The following MAX variants were observed in gnomAD, a reference collection of about 807,000 sequenced individuals.
MAX encodes the protein protein max.
In MAX, 3 loss-of-function variants were observed where a neutral mutation model predicts 22.3. The observed-to-expected ratio is 0.13, with a 90% confidence interval of 0.06 to 0.35. The LOEUF is 0.35. MAX is among the 10% of genes least tolerant of loss of function. The pLI is 1.00. For synonymous variants in MAX, 72 were observed against 77.7 expected, an observed-to-expected ratio of 0.93 and a Z score of 0.39; for missense variants, 119 against 209.4, an observed-to-expected ratio of 0.57 and a Z score of 2.66.
chr14:65,036,927 C>T (rs2062205671), intron 3 of MAX, among the ~76,000 whole-genome samples: 1 of 152,074 alleles, frequency 6.6e-6, no homozygotes, highest in Admixed American at 6.6e-5. Flanking sequence ...CATGAGCCAC[C>T]TCGCCTGGCC....
In MAX at chr14:65,012,235, C is replaced by T. The variant is rs997973904; in HGVS notation, c.172-5951G>A. On this transcript the variant is annotated intron_variant, in intron 3 of 3. Transcript: ENST00000341653. This position sits in a 1 kb window ranked among gnomAD's most constrained non-coding sequence, Gnocchi z 5.0. ...GACGTCCTGAAGCTGAGTGTTTACC[C>T]GTGTGTGTGTACGTGCACATACGTG... is the stretch of plus-strand genomic sequence containing the variant. 14 of 1,553,800 alleles carry T rather than the reference C, an allele frequency of 9.0e-6. No individual in the cohort carries two copies. Among genetic ancestry groups the T allele is most frequent in the African/African-American group, 2.7e-5 (2 of 73,790 alleles).
intron 3 of MAX, among the ~76,000 whole-genome samples, chr14:65,019,882 A>AT (rs1395475894): frequency 6.6e-6 from 1 of 152,134 alleles, no homozygotes; most frequent in African/African-American, 2.4e-5. Flanking sequence ...TAAATAGAAG[A>AT]TTTTTTTTAG....
rs977608948 is a variant in MAX, at chr14:65,023,589, C to T, written c.172-17305G>A. Among the ~76,000 whole-genome samples, 5 of 152,182 alleles carry T rather than the reference C, an allele frequency of 3.3e-5. No homozygotes were observed. The highest frequency in any genetic ancestry group is 5.9e-5 in the Non-Finnish European group (4 of 68,036). On this transcript the variant is annotated intron_variant, in intron 3 of 3. Transcript: ENST00000341653. The surrounding 1 kb of genome is among the most constrained non-coding windows in gnomAD (Gnocchi z 4.1). ...CTATAGGTGTCTATAAACATCTATA[C>T]GTGTTCTATATTGGCCACTAGCCAC...
At chr14:65,016,949 GTT>G (rs1295490498) in intron 3 of MAX, among the ~76,000 whole-genome samples, 2 of 125,212 alleles carry the variant, frequency 1.6e-5, no homozygotes, top group East Asian at 5.3e-4. Flanking sequence ...TTGAGACAGA[GTT>G]TCACTCTGTC....
rs1387308259 is a variant in MAX, at chr14:65,030,679, G to T, written c.172-24395C>A. Among the ~76,000 whole-genome samples the T allele has an allele frequency of 6.6e-6, 1 of 151,946 alleles. No individual in the cohort carries two copies. The highest frequency in any genetic ancestry group is 1.5e-5 in the Non-Finnish European group (1 of 67,992). ...AGTTTGAGCCCAGGAGTTTGAGGTTGCAGTGAGCCATGATAGCGCCACTGC... is the reference window on the plus strand; with the variant it reads ...AGTTTGAGCCCAGGAGTTTGAGGTTTCAGTGAGCCATGATAGCGCCACTGC... On this transcript the variant is annotated intron_variant, in intron 3 of 3. Transcript: ENST00000341653. This position sits in a 1 kb window ranked among gnomAD's most constrained non-coding sequence, Gnocchi z 4.5.
At position 65,013,652 on chromosome 14, in the gene MAX, A is replaced by G. The variant is rs1006982269; in HGVS notation, c.172-7368T>C. Among the ~76,000 whole-genome samples, 14 of 152,128 alleles carry G rather than the reference A, an allele frequency of 9.2e-5. No individual in the cohort carries two copies. The East Asian group carries it at 2.5e-3, about 27-fold the overall frequency. ...GCAACCTCCGCCTCAGGTTCAAGCG[A>G]TTCTCTTGCCTCAGCCTTCTGAGTG... is the stretch of plus-strand genomic sequence containing the variant. On this transcript the variant is annotated intron_variant, in intron 3 of 3. Coordinates refer to the MAX transcript ENST00000341653.
intron 3 of MAX, among the ~76,000 whole-genome samples, chr14:65,038,574 C>T (rs749643457): frequency 7.9e-5 from 12 of 151,204 alleles, no homozygotes; most frequent in East Asian, 1.9e-4. Context: ...AAAAATTAGC[C>T]GGGCGTGGTG....
intron 3 of MAX, among the ~76,000 whole-genome samples, chr14:65,050,569 C>A (rs1464621992): frequency 1.3e-5 from 2 of 152,060 alleles, no homozygotes; most frequent in Admixed American, 6.6e-5. Flanking sequence ...CCAGCCTGGG[C>A]GACAGAGCAA....
chr14:65,037,156 T>G (rs569087944), intron 3 of MAX, among the ~76,000 whole-genome samples: 46 of 151,246 alleles, frequency 3.0e-4, no homozygotes, highest in African/African-American at 1.0e-3. Context: ...CGGGCTGGAG[T>G]GCAATGGCGT....
chr14:65,025,947 C>G (rs1476921399), intron 3 of MAX, among the ~76,000 whole-genome samples: 1 of 152,214 alleles, frequency 6.6e-6, no homozygotes, highest in Non-Finnish European at 1.5e-5. Flanking sequence ...TTTCAGAACT[C>G]ACAGAGCAAG....
Position 65,076,071 on chromosome 14 carries a change from CGGGCCAGG to C in MAX, c.*397_*404del. 3 of 1,220,792 alleles carry C rather than the reference CGGGCCAGG, an allele frequency of 2.5e-6. 1 individual carries two copies. In the South Asian group the frequency reaches 7.1e-5, roughly 29 times the overall value. 75.6% of individuals were successfully genotyped at this position (1,220,792 alleles called of 1,614,324 possible). A position where few individuals can be genotyped will look rare whatever the true frequency, so the allele number is the denominator to read the frequency against. Reference sequence around the variant, plus strand: ...TCACAAAGTCTATCAGAGGTGAGGGCGGGCCAGGAGGCCACCTGGGCAGGGCAGGCGTC... The same window carrying C: ...TCACAAAGTCTATCAGAGGTGAGGGCAGGCCACCTGGGCAGGGCAGGCGTC... On this transcript the variant is annotated 3_prime_UTR_variant, in exon 5 of 5. Transcript: ENST00000358664. The surrounding 1 kb of genome is among the most constrained non-coding windows in gnomAD (Gnocchi z 6.6).
At chr14:65,052,918 C>G (rs2062647200) in intron 3 of MAX, among the ~76,000 whole-genome samples, 1 of 152,120 alleles carries the variant, frequency 6.6e-6, no homozygotes, top group Admixed American at 6.5e-5. Flanking sequence ...CGAGGTCAGT[C>G]TGGGAAGGTA....
chr14:65,093,971 A>G lies in MAX; in HGVS notation c.64-156T>C. 1.4e-6 allele frequency: 1 copy of G among 692,072 alleles called. No individual in the cohort carries two copies. The highest frequency in any genetic ancestry group is 2.7e-6 in the Non-Finnish European group (1 of 375,446). The allele number at this position is 692,072 out of a possible 1,614,324, so 42.9% of individuals were successfully genotyped here. On this transcript the variant is annotated intron_variant, in intron 2 of 4. Transcript: ENST00000358664. The surrounding 1 kb of genome is among the most constrained non-coding windows in gnomAD (Gnocchi z 4.4). ...AGGTGGGCAGTTAGGAGTCTCCAGA[A>G]TTAGGCTCTGCTAAAGGGGGAGAAA...
rs150505277 is a variant in MAX, at chr14:65,013,737, A to G, written c.172-7453T>C. 9.2e-3 allele frequency among the ~76,000 whole-genome samples: 1,400 copies of G among 152,226 alleles called. 21 individuals carry two copies. The highest frequency in any genetic ancestry group is 0.031 in the African/African-American group (1,297 of 41,534). On this transcript the variant is annotated intron_variant, in intron 3 of 3. Coordinates refer to the MAX transcript ENST00000341653. ...TAATTTTTGTATTTTTAGTAGAGAC[A>G]GGGTTTCACCATATTGGCCAGGCTG...
At chr14:65,056,658 C>T (rs2062743956) in intron 3 of MAX, among the ~76,000 whole-genome samples, 1 of 152,174 alleles carries the variant, frequency 6.6e-6, no homozygotes, top group African/African-American at 2.4e-5. Flanking sequence ...ATTCTGTGCT[C>T]ATTTTCTTAC....
chr14:65,045,671 CT>C (rs1391523389), intron 3 of MAX, among the ~76,000 whole-genome samples: 2 of 152,150 alleles, frequency 1.3e-5, no homozygotes, highest in Admixed American at 1.3e-4. Flanking sequence ...CCACTTCGGC[CT>C]CCCAAAGTGC....
intron 3 of MAX, among the ~76,000 whole-genome samples, chr14:65,026,873 CAAAAA>C (rs1458666302): frequency 6.6e-6 from 1 of 150,860 alleles, no homozygotes; most frequent in Non-Finnish European, 1.5e-5. Context: ...AAAAAAAAAA[CAAAAA>C]AACAAAACTT....
rs113436813 is a variant in MAX, at chr14:65,046,646, G to A, written c.172-40362C>T. 1.7e-3 allele frequency among the ~76,000 whole-genome samples: 256 copies of A among 152,286 alleles called. 1 individual carries two copies. The highest frequency in any genetic ancestry group is 5.8e-3 in the African/African-American group (241 of 41,562). On this transcript the variant is annotated intron_variant, in intron 3 of 3. Coordinates refer to the MAX transcript ENST00000341653. The stretch of plus-strand genomic sequence containing the variant: ...CAGGGCATCTCTTGAACTTGGAACA[G>A]ACAGGAGTCTGTAAAGAAGGGAAGT...
intron 3 of MAX, among the ~76,000 whole-genome samples, chr14:65,013,562 A>G (rs577203371): frequency 4.3e-4 from 66 of 152,234 alleles, no homozygotes; most frequent in African/African-American, 1.4e-3. Flanking sequence ...TTCTCTCATA[A>G]TTTATGAGAT....
Sources: gnomAD v4.1 joint callset for allele counts (sites outside exome capture counted in the v4.1 genomes callset) on GRCh38, gnomAD v4.1.1 for gene constraint, Gnocchi (gnomAD v3.1) non-coding constraint, MANE v1.5 for transcripts, NCBI Gene and HGNC (gene_info 2026-07-23, HGNC 2026-07-21) for gene names.